Variants in AATK observed in about 807,000 individuals in gnomAD.
The protein encoded by AATK is serine/threonine-protein kinase LMTK1.
Under a neutral mutation model 114.3 loss-of-function variants are expected in AATK, and 91 were observed. That is an observed-to-expected ratio of 0.80 (90% CI 0.67 to 0.95). AATK has a LOEUF of 0.95. Among genes scored for constraint, AATK ranks in the 40% least tolerant of loss-of-function variants. AATK has a pLI of 0.00. For missense variants in AATK, 2,176 were observed against 1,965.2 expected (o/e 1.11, Z -2.03); for synonymous variants, 1,075 against 916.5 (o/e 1.17, Z -3.12).
chr17:81,152,842 GA>G (rs1208275669), intron 1 of AATK, among the ~76,000 whole-genome samples: 3 of 91,220 alleles, frequency 3.3e-5, no homozygotes, highest in Non-Finnish European at 4.5e-5. Flanking sequence ...CAGCCCTGCT[GA>G]ATTTTTTTTT....
chr17:81,166,095 G>C lies in AATK; in HGVS notation c.-103C>G, dbSNP rs1012591185. ...ATCACCCAGCGGCCGCCGCAGGTGC[G>C]GAGCGCGCCGGCCCCCGCGCCCCGC... On this transcript the variant is annotated 5_prime_UTR_variant, in exon 1 of 14. Coordinates refer to ENST00000326724, the MANE Select transcript of AATK (RefSeq NM_001080395.3). 2 of 710,626 alleles carry C rather than the reference G, an allele frequency of 2.8e-6. No individual in the cohort carries two copies. Among genetic ancestry groups the C allele is most frequent in the Non-Finnish European group, 3.5e-6 (2 of 575,920 alleles). The allele number at this position is 710,626 out of a possible 1,614,324, so 44.0% of individuals were successfully genotyped here. A position where few individuals can be genotyped will look rare whatever the true frequency, so the allele number is the denominator to read the frequency against.
Position 81,122,803 on chromosome 17 carries a change from C to T in AATK, c.1133G>A (p.Cys378Tyr). ...SDRWYEVMQF[C>Y]WLQPEQRPTA... The stretch of plus-strand genomic sequence containing the variant: ...GGGCCGCTGCTCGGGCTGCAGCCAG[C>T]AGAACTGCATCACCTCGTACCTGCG... Residue 378 changes from cysteine to tyrosine, a missense_variant, in exon 11 of 14, where the codon TGC (cysteine) becomes TAC (tyrosine). By Grantham distance (194) the Cys-to-Tyr change is radical. Around this residue, in one of 4 missense-constraint regions of AATK, gnomAD observed 273 missense variants for 344.1 expected, o/e 0.79. Transcript: ENST00000326724. 1 of 1,574,236 alleles carries T rather than the reference C, an allele frequency of 6.4e-7. No homozygotes were observed. Among genetic ancestry groups the T allele is most frequent in the Non-Finnish European group, 8.6e-7 (1 of 1,160,328 alleles).
At position 81,122,307 on chromosome 17, in the gene AATK, G is replaced by T; in HGVS notation, c.1629C>A (p.His543Gln). ...RLEEAAPAAG[H>Q]DPDCAGCAPS... Reference sequence around the variant, plus strand: ...GGGCGCAGCCGGCGCAGTCAGGGTCGTGGCCGGCGGCGGGTGCGGCCTCCT... The same window carrying T: ...GGGCGCAGCCGGCGCAGTCAGGGTCTTGGCCGGCGGCGGGTGCGGCCTCCT... Residue 543 changes from histidine to glutamine, a missense_variant, in exon 11 of 14, where the codon CAC becomes CAA. Coordinates refer to ENST00000326724, the MANE Select transcript of AATK (RefSeq NM_001080395.3). The T allele has an allele frequency of 6.6e-7, 1 of 1,510,238 alleles. No homozygotes were observed. Among genetic ancestry groups the T allele is most frequent in the Non-Finnish European group, 8.8e-7 (1 of 1,134,742 alleles). 93.6% of individuals were successfully genotyped at this position (1,510,238 alleles called of 1,614,324 possible). A position where few individuals can be genotyped will look rare whatever the true frequency, so the allele number is the denominator to read the frequency against.
Position 81,119,405 on chromosome 17 carries a change from A to G in AATK, c.4059T>C (p.Ser1353=), listed in dbSNP as rs1298476257. 6.4e-7 allele frequency: 1 copy of G among 1,555,954 alleles called. No individual in the cohort carries two copies. The highest frequency in any genetic ancestry group is 1.2e-5 in the South Asian group (1 of 85,854). ...PTSRFSITHV[S]DSDAESKRGP... Reference sequence around the variant, plus strand: ...CTCTCTTGGACTCGGCGTCCGAGTCAGACACGTGCGTGATGGAGAAGCGGG... The same window carrying G: ...CTCTCTTGGACTCGGCGTCCGAGTCGGACACGTGCGTGATGGAGAAGCGGG... The change falls in exon 13 of 14, where the codon TCT becomes TCC. Residue 1353 remains serine (S), a synonymous_variant. Coordinates refer to ENST00000326724, the MANE Select transcript of AATK (RefSeq NM_001080395.3).
intron 1 of AATK, among the ~76,000 whole-genome samples, chr17:81,161,410 C>T (rs2061428676): frequency 6.6e-6 from 1 of 152,200 alleles, no homozygotes; most frequent in Admixed American, 6.5e-5. Context: ...TCCGGTCCGA[C>T]CTCATCTTAA....
chr17:81,151,661 C>G (rs2061300751), intron 1 of AATK, among the ~76,000 whole-genome samples: 1 of 152,112 alleles, frequency 6.6e-6, no homozygotes, highest in African/African-American at 2.4e-5. Flanking sequence ...GATCATAATC[C>G]CAAAAGACAC....
rs141191684 is a variant in AATK at position 81,140,654 on chromosome 17, G to A, written c.56-6153C>T. Among the ~76,000 whole-genome samples, 1,309 of 143,994 alleles carry A rather than the reference G, an allele frequency of 9.1e-3. 41 individuals carry two copies. Among genetic ancestry groups the A allele is most frequent in the African/African-American group, 0.034 (1,242 of 36,532 alleles). The allele number at this position is 143,994 out of a possible 152,430, so 94.5% of individuals were successfully genotyped here. A position where few individuals can be genotyped will look rare whatever the true frequency, so the allele number is the denominator to read the frequency against. ...GCAGAATCAGAGACCGTGGGGCCGGGGGACCGTGGGGCCGTGGGGACCATG... is the reference window on the plus strand; with the variant it reads ...GCAGAATCAGAGACCGTGGGGCCGGAGGACCGTGGGGCCGTGGGGACCATG... On this transcript the variant is annotated intron_variant, in intron 1 of 13. Coordinates refer to ENST00000326724, the MANE Select transcript of AATK (RefSeq NM_001080395.3).
At chr17:81,122,877 G>A (rs2060718024) in intron 10 of AATK, 54 bp from the exon 11 acceptor site, 7 of 1,381,076 alleles carry the variant, frequency 5.1e-6, no homozygotes, top group Non-Finnish European at 3.8e-6. Context: ...CCAGGAACGC[G>A]TCCCTGGAGC....
chr17:81,143,502 C>T (rs969366301), intron 1 of AATK, among the ~76,000 whole-genome samples: 6 of 50,782 alleles, frequency 1.2e-4, no homozygotes, highest in South Asian at 2.2e-3. Context: ...CCCGTGTCCA[C>T]GCAGCCTCAC....
In AATK at chr17:81,122,112, G is replaced by C. The variant is rs1213831437; in HGVS notation, c.1824C>G (p.Arg608=). The change falls in exon 11 of 14, where the codon CGC becomes CGG. Residue 608 remains arginine, a synonymous_variant. Transcript: ENST00000326724. ...GGGGCCCCGCCGAGGGCGAGGGAGA[G>C]CGTGAGGGGCAGAGCGGGTCCCGCG... ...SLARDPLCPS[R]SPSPSAGPLS... is the part of the protein sequence containing the mutation. 1.3e-6 allele frequency: 2 copies of C among 1,560,798 alleles called. No homozygotes were observed. The highest frequency in any genetic ancestry group is 2.7e-5 in the African/African-American group (2 of 74,188).
At chr17:81,146,551 A>C (rs1371431141) in intron 1 of AATK, among the ~76,000 whole-genome samples, 1 of 151,780 alleles carries the variant, frequency 6.6e-6, no homozygotes, top group Non-Finnish European at 1.5e-5. Flanking sequence ...CCTTGTCTCT[A>C]CTAAAAATAC....
intron 1 of AATK, among the ~76,000 whole-genome samples, chr17:81,151,265 A>T (rs2061291051): frequency 9.2e-6 from 1 of 108,252 alleles, no homozygotes. Context: ...ACCTGCACAG[A>T]ACCCAGGCCC....
chr17:81,127,331 C>T (rs2060855558), intron 6 of AATK, among the ~76,000 whole-genome samples: 1 of 152,088 alleles, frequency 6.6e-6, no homozygotes, highest in Non-Finnish European at 1.5e-5. Context: ...GGTGACCAAG[C>T]AGCTGGCAGC....
Position 81,122,449 on chromosome 17 carries a change from G to T in AATK, c.1487C>A (p.Pro496His). ...GAEAFPATLS[P>H]GRTARLQELC... ...CTCCTGCAGGCGTGCGGTGCGGCCAGGGCTCAGCGTGGCCGGGAAGGCCTC... is the reference window on the plus strand; with the variant it reads ...CTCCTGCAGGCGTGCGGTGCGGCCATGGCTCAGCGTGGCCGGGAAGGCCTC... Residue 496 changes from proline to histidine, a missense_variant, in exon 11 of 14, where the codon CCT becomes CAT. Coordinates refer to ENST00000326724, the MANE Select transcript of AATK (RefSeq NM_001080395.3). The T allele has an allele frequency of 6.9e-7, 1 of 1,455,504 alleles. No individual in the cohort carries two copies. The allele number at this position is 1,455,504 out of a possible 1,614,324, so 90.2% of individuals were successfully genotyped here. A position where few individuals can be genotyped will look rare whatever the true frequency, so the allele number is the denominator to read the frequency against.
At chr17:81,123,855 G>A (rs982950308) in intron 9 of AATK, among the ~76,000 whole-genome samples, 3 of 152,264 alleles carry the variant, frequency 2.0e-5, no homozygotes, top group Non-Finnish European at 2.9e-5. Context: ...CTCCTTCCCC[G>A]TGGGCTGTGG....
chr17:81,134,633 C>A, intron 1 of AATK, 132 bp from the exon 2 acceptor site: 1 of 1,189,258 alleles, frequency 8.4e-7, no homozygotes, highest in Middle Eastern at 2.8e-4. Flanking sequence ...GACCTCTCAC[C>A]CCAGACCCCA....
chr17:81,122,252 C>T lies in AATK; in HGVS notation c.1684G>A (p.Asp562Asn), dbSNP rs768153497. 3.4e-6 allele frequency: 5 copies of T among 1,492,002 alleles called. No homozygotes were observed. The highest frequency in any genetic ancestry group is 1.8e-4 in the Middle Eastern group (1 of 5,480). The allele number at this position is 1,492,002 out of a possible 1,614,324, so 92.4% of individuals were successfully genotyped here. A position where few individuals can be genotyped will look rare whatever the true frequency, so the allele number is the denominator to read the frequency against. ...PSPPATADQD[D>N]DSDGSTAASL... ...GCGGCGGTGCTGCCGTCAGAGTCGT[C>T]GTCCTGGTCCGCGGTGGCAGGTGGA... Residue 562 changes from aspartate to asparagine, a missense_variant, in exon 11 of 14, where the codon GAC (aspartate) becomes AAC (asparagine). Physicochemically the swap from Asp to Asn is conservative, Grantham distance 23. Coordinates refer to ENST00000326724, the MANE Select transcript of AATK (RefSeq NM_001080395.3).
At chr17:81,123,779 G>A (rs1449009299) in intron 9 of AATK, among the ~76,000 whole-genome samples, 1 of 151,124 alleles carries the variant, frequency 6.6e-6, no homozygotes, top group East Asian at 1.9e-4. Context: ...CCTCAGGCCA[G>A]CATGGGCAGG....
At position 81,120,371 on chromosome 17, in the gene AATK, C is replaced by T; in HGVS notation, c.3565G>A (p.Glu1189Lys). 1 of 1,608,994 alleles carries T rather than the reference C, an allele frequency of 6.2e-7. No homozygotes were observed. Among genetic ancestry groups the T allele is most frequent in the Non-Finnish European group, 8.5e-7 (1 of 1,178,406 alleles). ...ACCACGGGCACCGCCGGCGCCTCCT[C>T]TTCGCTGTCCTCGCTAGGCTCCTGG... ...SVQEPSEDSE[E>K]EAPAVPVVVA... Residue 1189 changes from glutamate to lysine, a missense_variant, in exon 11 of 14, where the codon GAG (glutamate) becomes AAG (lysine). Glu to Lys is a moderately conservative substitution (Grantham distance 56, BLOSUM62 1). Coordinates refer to ENST00000326724, the MANE Select transcript of AATK (RefSeq NM_001080395.3).
Sources: allele counts gnomAD v4.1 joint callset (sites outside exome capture counted in the v4.1 genomes callset), GRCh38; gene constraint gnomAD v4.1.1; regional missense constraint gnomAD v4.1.1; transcripts MANE v1.5; gene names NCBI Gene and HGNC (gene_info 2026-07-23, HGNC 2026-07-21).